P3H2: variants seen among roughly 807,000 people sequenced by gnomAD.
The protein encoded by P3H2 is leprecan-like 1.
In P3H2, 80 loss-of-function variants were observed where a neutral mutation model predicts 87.0. That is an observed-to-expected ratio of 0.92 (90% CI 0.77 to 1.11). The LOEUF (loss-of-function observed/expected upper bound fraction) is 1.11. Among genes scored for constraint, P3H2 ranks in the 50% least tolerant of loss-of-function variants. P3H2 has a pLI of 0.00. For synonymous variants in P3H2, 367 were observed against 359.3 expected (o/e 1.02, Z -0.24); for missense variants, 1,001 against 923.9 (o/e 1.08, Z -1.08).
chr3:190,056,543 G>A (rs1023478408), intron 1 of P3H2, among the ~76,000 whole-genome samples: 1 of 152,158 alleles, frequency 6.6e-6, no homozygotes, highest in Non-Finnish European at 1.5e-5. Context: ...TTTGATAGGT[G>A]GACTCTTTCT....
intron 4 of P3H2, among the ~76,000 whole-genome samples, chr3:189,988,532 T>A (rs1723775897): frequency 6.6e-6 from 1 of 152,210 alleles, no homozygotes; most frequent in Non-Finnish European, 1.5e-5. Flanking sequence ...TCACTGTTTA[T>A]GACTTGAGCA....
chr3:189,989,589 CT>C (rs530739983), intron 3 of P3H2, among the ~76,000 whole-genome samples: 9 of 151,636 alleles, frequency 5.9e-5, no homozygotes, highest in African/African-American at 9.7e-5. Context: ...AATAAAAACT[CT>C]TTTTTTTTAA....
chr3:190,001,305 A>G (rs904561227), intron 1 of P3H2, among the ~76,000 whole-genome samples: 1 of 152,238 alleles, frequency 6.6e-6, no homozygotes, highest in African/African-American at 2.4e-5. Flanking sequence ...ACCACTATGT[A>G]CTTCTCAAAT....
chr3:189,974,253 A>G lies in P3H2; in HGVS notation c.1453-249T>C, dbSNP rs575369570. 8.4e-6 allele frequency: 5 copies of G among 592,014 alleles called. No homozygotes were observed. The Admixed American group carries it at 1.5e-4, about 18-fold the overall frequency. 36.7% of individuals were successfully genotyped at this position (592,014 alleles called of 1,614,324 possible). A position where few individuals can be genotyped will look rare whatever the true frequency, so the allele number is the denominator to read the frequency against. On this transcript the variant is annotated intron_variant, in intron 9 of 14. Coordinates refer to ENST00000319332, the MANE Select transcript of P3H2 (RefSeq NM_018192.4). ...TAAAAAGAATGTAAATTATTGATAT[A>G]TTGCCTAATAATTAATTAAAATAAA...
intron 1 of P3H2, among the ~76,000 whole-genome samples, chr3:190,003,032 T>C (rs1258276750): frequency 6.6e-6 from 1 of 152,222 alleles, no homozygotes; most frequent in Non-Finnish European, 1.5e-5. Flanking sequence ...AATACAGTCA[T>C]AGGTATAAGT....
At position 189,956,810 on chromosome 3, in the gene P3H2, C is replaced by A. The variant is rs370284557; in HGVS notation, c.*1102G>T. ...GATAGCAGCAATGAGGAGGGGCCCC[C>A]AAAATATAAGCAGATGACGGTTAAA... is the stretch of plus-strand genomic sequence containing the variant. On this transcript the variant is annotated 3_prime_UTR_variant, in exon 15 of 15. Transcript: ENST00000319332. 26 of 265,414 alleles carry A rather than the reference C, an allele frequency of 9.8e-5. No homozygotes were observed. The highest frequency in any genetic ancestry group is 1.1e-3 in the Middle Eastern group (1 of 952). 16.4% of individuals were successfully genotyped at this position (265,414 alleles called of 1,614,324 possible).
intron 1 of P3H2, among the ~76,000 whole-genome samples, chr3:190,023,989 C>T (rs1235599312): frequency 6.6e-6 from 1 of 152,086 alleles, no homozygotes; most frequent in African/African-American, 2.4e-5. Context: ...TGTTAGGGTC[C>T]CGTTTCATCA....
In P3H2 at chr3:189,971,934, G is replaced by C; in HGVS notation, c.1773C>G (p.Asn591Lys). Residue 591 changes from asparagine to lysine, a missense_variant, in exon 12 of 15, where the codon AAC becomes AAG. Transcript: ENST00000319332. ...ADNCLLDPEA[N>K]ECWKEPPAYT... ...AAGCAGGAGGCTCCTTCCAGCATTC[G>C]TTGGCCTCTGGATCCAACAAACAGT... The C allele has an allele frequency of 6.2e-7, 1 of 1,613,392 alleles. No individual in the cohort carries two copies.
At chr3:190,086,676 C>A (rs898505279) in intron 1 of P3H2, among the ~76,000 whole-genome samples, 1 of 152,136 alleles carries the variant, frequency 6.6e-6, no homozygotes, top group African/African-American at 2.4e-5. Context: ...CACACCATAC[C>A]TCAGTTAGTG....
At chr3:189,959,399 TC>T (rs1328236694) in intron 14 of P3H2, among the ~76,000 whole-genome samples, 1 of 73,938 alleles carries the variant, frequency 1.4e-5, no homozygotes, top group Non-Finnish European at 2.5e-5. Context: ...ATGCTATCCC[TC>T]CCCCCTCCCC....
At position 190,120,355 on chromosome 3, in the gene P3H2, T is replaced by C; in HGVS notation, c.377A>G (p.Gln126Arg). 2 of 1,571,062 alleles carry C rather than the reference T, an allele frequency of 1.3e-6. No homozygotes were observed. The highest frequency in any genetic ancestry group is 1.2e-5 in the South Asian group (1 of 86,574). The change falls in exon 1 of 15, where the codon CAG becomes CGG. Residue 126 changes from glutamine (Q) to arginine (R), a missense_variant. Gln to Arg is a conservative substitution (Grantham distance 43). Transcript: ENST00000319332. ...RARCYRSCET[Q>R]RLGGPASRHR... ...GCGGGATGCGGGGCCCCCGAGGCGC[T>C]GGGTCTCACAGCTGCGATAACAGCG...
Position 189,957,667 on chromosome 3 carries a change from T to A in P3H2, c.*245A>T. 3 of 544,930 alleles carry A rather than the reference T, an allele frequency of 5.5e-6. No homozygotes were observed. The highest frequency in any genetic ancestry group is 6.5e-6 in the Non-Finnish European group (2 of 306,222). 33.8% of individuals were successfully genotyped at this position (544,930 alleles called of 1,614,324 possible). A position where few individuals can be genotyped will look rare whatever the true frequency, so the allele number is the denominator to read the frequency against. ...ATCTGTGAATAGCCACTGCCCTATATCCTAGACAACATGGTTAGACCATGT... is the reference window on the plus strand; with the variant it reads ...ATCTGTGAATAGCCACTGCCCTATAACCTAGACAACATGGTTAGACCATGT... On this transcript the variant is annotated 3_prime_UTR_variant, in exon 15 of 15. Coordinates refer to ENST00000319332, the MANE Select transcript of P3H2 (RefSeq NM_018192.4).
chr3:190,086,183 C>T (rs892799057), intron 1 of P3H2, among the ~76,000 whole-genome samples: 1 of 152,162 alleles, frequency 6.6e-6, no homozygotes, highest in African/African-American at 2.4e-5. Context: ...CTGGGACTCA[C>T]TGTCTTTTTT....
At chr3:190,077,545 C>T (rs184504458) in intron 1 of P3H2, among the ~76,000 whole-genome samples, 1 of 152,262 alleles carries the variant, frequency 6.6e-6, no homozygotes, top group African/African-American at 2.4e-5. Flanking sequence ...TCTAGTACAA[C>T]AAGCATAGAA....
intron 1 of P3H2, among the ~76,000 whole-genome samples, chr3:190,039,361 G>T (rs922383631): frequency 6.6e-6 from 1 of 152,072 alleles, no homozygotes; most frequent in African/African-American, 2.4e-5. Flanking sequence ...TAATAAGTCT[G>T]TACCTTGGTA....
At chr3:189,975,534 C>A (rs1425160346) in intron 8 of P3H2, among the ~76,000 whole-genome samples, 1 of 152,180 alleles carries the variant, frequency 6.6e-6, no homozygotes, top group East Asian at 1.9e-4. Context: ...AACACTGCTT[C>A]TAACCATTTA....
intron 9 of P3H2, 148 bp from the exon 10 acceptor site, chr3:189,974,152 T>C (rs1723274454): frequency 2.9e-6 from 2 of 684,934 alleles, no homozygotes; most frequent in Admixed American, 2.4e-5. Context: ...TAACTATTCT[T>C]TTAATTAAAA....
chr3:189,970,075 G>A (rs1479838171), intron 13 of P3H2, among the ~76,000 whole-genome samples: 2 of 149,074 alleles, frequency 1.3e-5, no homozygotes, highest in East Asian at 4.0e-4. Context: ...TTGAACTTTT[G>A]ATTTACTCTT....
intron 1 of P3H2, among the ~76,000 whole-genome samples, chr3:190,053,451 T>G (rs11914739): frequency 0.4 from 52,348 of 130,532 alleles, 9,642 homozygotes; most frequent in African/African-American, 0.53. Context: ...AATAAAGTGG[T>G]TTTTTTTTTT....
Sources: allele counts gnomAD v4.1 joint callset (sites outside exome capture counted in the v4.1 genomes callset), GRCh38; gene constraint gnomAD v4.1.1; transcripts MANE v1.5; gene names NCBI Gene and HGNC (gene_info 2026-07-23, HGNC 2026-07-21).